Variants in EPHA6 observed in about 807,000 individuals in gnomAD.
EPHA6 encodes the protein ephrin type-A receptor 6.
In EPHA6, 50 loss-of-function variants were observed where a neutral mutation model predicts 112.0. That is an observed-to-expected ratio of 0.45 (90% CI 0.36 to 0.56). The LOEUF (loss-of-function observed/expected upper bound fraction) is 0.56, where lower values mean the gene tolerates loss of function less well. Among genes scored for constraint, EPHA6 ranks in the 20% least tolerant of loss-of-function variants. The pLI, the probability that EPHA6 is intolerant of heterozygous loss-of-function variation, is 0.00. For missense variants in EPHA6, 1,280 were observed against 1,417.4 expected, an observed-to-expected ratio of 0.90 and a Z score of 1.56; for synonymous variants, 529 against 490.7, an observed-to-expected ratio of 1.08 and a Z score of -1.03.
chr3:96,917,009 G>A (rs533205758), intron 2 of EPHA6, among the ~76,000 whole-genome samples: 1 of 152,214 alleles, frequency 6.6e-6, no homozygotes, highest in East Asian at 1.9e-4. Flanking sequence ...TCTAATTGCA[G>A]CTAAAGAATT....
chr3:97,487,855 A>G (rs1002494859), intron 10 of EPHA6, among the ~76,000 whole-genome samples: 2 of 152,216 alleles, frequency 1.3e-5, no homozygotes, highest in African/African-American at 4.8e-5. Context: ...ATAAAATGAA[A>G]TTCTGTGGAC....
At chr3:97,152,343 C>T (rs528199045) in intron 3 of EPHA6, among the ~76,000 whole-genome samples, 3 of 151,382 alleles carry the variant, frequency 2.0e-5, no homozygotes, top group African/African-American at 7.2e-5. Flanking sequence ...CAGCTCTGTT[C>T]CTTTAGCATT....
chr3:97,401,434 C>T (rs1490826899), intron 5 of EPHA6, among the ~76,000 whole-genome samples: 1 of 151,724 alleles, frequency 6.6e-6, no homozygotes, highest in Non-Finnish European at 1.5e-5. Flanking sequence ...AGAATGTATT[C>T]ATTTCCCCTA....
In EPHA6 at chr3:97,010,105, A is replaced by C; in HGVS notation, c.1114+22112A>C. 5.5e-6 allele frequency: 7 copies of C among 1,270,224 alleles called. No individual in the cohort carries two copies. The Middle Eastern group carries it at 1.6e-3, about 290-fold the overall frequency. 78.7% of individuals were successfully genotyped at this position (1,270,224 alleles called of 1,614,324 possible). ...AAAAGCAAAAGAGTAGCATTACTAA[A>C]ATATTAAACGGTTACATTTACAGCC... On this transcript the variant is annotated intron_variant, in intron 3 of 17. Transcript: ENST00000389672.
Position 97,708,962 on chromosome 3 carries a change from G to C in EPHA6, c.2785-11299G>C, listed in dbSNP as rs577500366. ...TTCAGAGGACGTATGGAAATGCCTG[G>C]ATGTCCAGGCAGAAGTCTGTTGCAG... On this transcript the variant is annotated intron_variant, in intron 14 of 17. Transcript: ENST00000389672. 5.3e-5 allele frequency among the ~76,000 whole-genome samples: 8 copies of C among 152,284 alleles called. No homozygotes were observed. The South Asian group carries it at 1.7e-3, about 32-fold the overall frequency.
rs560301512 is a variant in EPHA6 at position 97,078,385 on chromosome 3, G to A, written c.1114+90392G>A. On this transcript the variant is annotated intron_variant, in intron 3 of 17. Coordinates refer to ENST00000389672, the MANE Select transcript of EPHA6 (RefSeq NM_001080448.3). ...TGGTAGTTTCTTTTGCTGTGCAGAA[G>A]CTCTTTTGTTTAATTAGATCCCATT... 8.0e-4 allele frequency among the ~76,000 whole-genome samples: 121 copies of A among 152,200 alleles called. 2 individuals carry two copies. Among genetic ancestry groups the A allele is most frequent in the African/African-American group, 2.8e-3 (118 of 41,522 alleles).
intron 5 of EPHA6, among the ~76,000 whole-genome samples, chr3:97,319,379 G>GA (rs1273379744): frequency 6.6e-6 from 1 of 151,184 alleles, no homozygotes; most frequent in Non-Finnish European, 1.5e-5. Context: ...TTAAAAGACC[G>GA]AAAAAATATC....
intron 2 of EPHA6, among the ~76,000 whole-genome samples, chr3:96,870,765 A>T (rs2036583270): frequency 6.6e-6 from 1 of 152,086 alleles, no homozygotes; most frequent in Non-Finnish European, 1.5e-5. Context: ...TATTCCATTA[A>T]TCGGAGCCCA....
At chr3:97,516,303 G>T (rs944434028) in intron 10 of EPHA6, among the ~76,000 whole-genome samples, 1 of 152,142 alleles carries the variant, frequency 6.6e-6, no homozygotes, top group African/African-American at 2.4e-5. Context: ...TGACAAATGC[G>T]TTGGTCTACT....
intron 13 of EPHA6, among the ~76,000 whole-genome samples, chr3:97,611,482 G>A (rs190089553): frequency 1.9e-4 from 29 of 151,816 alleles, no homozygotes; most frequent in Admixed American, 1.8e-3. Flanking sequence ...AACTGAGAAG[G>A]CACCAGGAAG....
chr3:97,426,209 G>C (rs1379293797), intron 6 of EPHA6, among the ~76,000 whole-genome samples: 3 of 152,160 alleles, frequency 2.0e-5, no homozygotes. Flanking sequence ...ACATAGCCAA[G>C]ACTGGGTAAC....
intron 5 of EPHA6, among the ~76,000 whole-genome samples, chr3:97,395,265 T>C (rs1324688462): frequency 6.6e-6 from 1 of 151,596 alleles, no homozygotes; most frequent in Non-Finnish European, 1.5e-5. Context: ...ACCAATAAAC[T>C]CTGATTACAA....
Position 97,750,155 on chromosome 3 carries a change from A to G in EPHA6, c.*1454A>G, listed in dbSNP as rs2035861407. On this transcript the variant is annotated 3_prime_UTR_variant, in exon 18 of 18. Coordinates refer to ENST00000389672, the MANE Select transcript of EPHA6 (RefSeq NM_001080448.3). ...TGTTTTAGGTGAAAGAGTAAGTAAA[A>G]TGTGTTGAGAGAAAAAAACAGAGTA... Among the ~76,000 whole-genome samples, 1 of 152,126 alleles carries G rather than the reference A, an allele frequency of 6.6e-6. No individual in the cohort carries two copies. The highest frequency in any genetic ancestry group is 1.5e-5 in the Non-Finnish European group (1 of 68,022).
At chr3:97,253,872 C>T (rs1047148724) in intron 5 of EPHA6, among the ~76,000 whole-genome samples, 12 of 151,696 alleles carry the variant, frequency 7.9e-5, no homozygotes, top group Non-Finnish European at 1.6e-4. Context: ...TGTATTTTGA[C>T]CTATTTATTT....
At chr3:96,994,798 GTA>G (rs753895562) in intron 3 of EPHA6, among the ~76,000 whole-genome samples, 15 of 136,448 alleles carry the variant, frequency 1.1e-4, no homozygotes, top group Admixed American at 1.5e-4. Context: ...ATATGTGTGT[GTA>G]TATATATATA....
chr3:97,008,498 T>C (rs2043966246), intron 3 of EPHA6, among the ~76,000 whole-genome samples: 1 of 152,188 alleles, frequency 6.6e-6, no homozygotes, highest in South Asian at 2.1e-4. Flanking sequence ...TTATTGTAGT[T>C]AGCAGTTCCT....
intron 11 of EPHA6, among the ~76,000 whole-genome samples, chr3:97,567,702 A>G (rs1270207566): frequency 6.6e-6 from 1 of 152,180 alleles, no homozygotes; most frequent in Non-Finnish European, 1.5e-5. Flanking sequence ...ATTATCCACA[A>G]TACAAGGAAC....
At chr3:97,732,916 G>A (rs143560654) in intron 15 of EPHA6, among the ~76,000 whole-genome samples, 5 of 152,038 alleles carry the variant, frequency 3.3e-5, no homozygotes, top group East Asian at 1.9e-4. Context: ...GACAGATTTC[G>A]CAAGGCTGTA....
intron 3 of EPHA6, among the ~76,000 whole-genome samples, chr3:97,122,632 C>T (rs1428265366): frequency 1.3e-5 from 2 of 151,982 alleles, no homozygotes; most frequent in Non-Finnish European, 2.9e-5. Context: ...TTGCTGAATA[C>T]TTACCAATGA....
Sources: allele counts gnomAD v4.1 joint callset (sites outside exome capture counted in the v4.1 genomes callset), GRCh38; gene constraint gnomAD v4.1.1; transcripts MANE v1.5; gene names NCBI Gene and HGNC (gene_info 2026-07-23, HGNC 2026-07-21).